Variants in MACF1 observed in about 807,000 individuals in gnomAD.
The protein encoded by MACF1 is microtubule-actin cross-linking factor 1.
A neutral mutation model predicts 854.8 loss-of-function variants in MACF1; 193 were observed. That is an observed-to-expected ratio of 0.23 (90% confidence interval 0.20 to 0.25). The LOEUF (loss-of-function observed/expected upper bound fraction) is 0.25, where lower values mean the gene tolerates loss of function less well. Ranked by LOEUF, MACF1 falls within the 10% of genes least tolerant of loss-of-function variation. The probability of loss-of-function intolerance (pLI) is 1.00; values close to 1 mark genes in which losing one functional copy is unlikely to be tolerated. For synonymous variants in MACF1, 3,185 were observed against 3,226.7 expected, an observed-to-expected ratio of 0.99 and a Z score of 0.44; for missense variants, 7,722 against 8,929.1, an observed-to-expected ratio of 0.86 and a Z score of 5.45.
At chr1:39,161,928 G>A (rs1413651323) in intron 2 of MACF1, among the ~76,000 whole-genome samples, 1 of 150,974 alleles carries the variant, frequency 6.6e-6, no homozygotes, top group African/African-American at 2.4e-5. Context: ...ATGATGGTGT[G>A]CGCCTATAGT....
rs1643929136 is a variant in MACF1 at position 39,434,413 on chromosome 1, G to A, written c.17566-1G>A. On this transcript the variant is annotated splice_acceptor_variant, in intron 68 of 100. Coordinates refer to ENST00000564288, the MANE Select transcript of MACF1 (RefSeq NM_001394062.1). LOFTEE classifies it high-confidence loss of function. ...TTTTTTTTTTTTTTTTGCTCACATA[G>A]GAAAAGACAGAGTCTCTAATACAGC... is the stretch of plus-strand genomic sequence containing the variant. 4 of 1,358,150 alleles carry A rather than the reference G, an allele frequency of 2.9e-6. No individual in the cohort carries two copies. The highest frequency in any genetic ancestry group is 4.3e-5 in the Admixed American group (2 of 46,814). 84.1% of individuals were successfully genotyped at this position (1,358,150 alleles called of 1,614,324 possible).
At chr1:39,218,260 G>A (rs896243027) in intron 1 of MACF1, among the ~76,000 whole-genome samples, 5 of 149,978 alleles carry the variant, frequency 3.3e-5, no homozygotes, top group Non-Finnish European at 1.5e-5. Flanking sequence ...AGGAACTATT[G>A]GCCTAACTCC....
At chr1:39,395,412 G>A (rs943780501) in intron 58 of MACF1, among the ~76,000 whole-genome samples, 6 of 152,194 alleles carry the variant, frequency 3.9e-5, no homozygotes, top group Admixed American at 1.3e-4. Flanking sequence ...CCACTTCTAA[G>A]TCAGCTTTCC....
chr1:39,234,122 A>G (rs939732571), intron 2 of MACF1, among the ~76,000 whole-genome samples: 1 of 149,900 alleles, frequency 6.7e-6, no homozygotes, highest in East Asian at 2.0e-4. Context: ...TCACAGATCA[A>G]CAGGATCCCA....
intron 1 of MACF1, among the ~76,000 whole-genome samples, chr1:39,210,071 C>T (rs574114692): frequency 8.0e-5 from 12 of 149,290 alleles, no homozygotes; most frequent in African/African-American, 3.0e-4. Flanking sequence ...GCCTGGGCAA[C>T]AGAGTGAGAC....
At position 39,411,332 on chromosome 1, in the gene MACF1, G is replaced by T. The variant is rs758075244; in HGVS notation, c.15817-11042G>T. On this transcript the variant is annotated intron_variant, in intron 58 of 100. Coordinates refer to ENST00000564288, the MANE Select transcript of MACF1 (RefSeq NM_001394062.1). ...TTTCTGATGGCAGATGAGAAGAACA[G>T]CCTGGCAGATATTTTTGAAGAAAGA... 3 of 1,613,912 alleles carry T rather than the reference G, an allele frequency of 1.9e-6. No homozygotes were observed. The African/African-American group carries it at 4.0e-5, about 22-fold the overall frequency.
rs548273621 is a variant in MACF1 at position 39,235,232 on chromosome 1, A to C, written c.171+3989A>C. 2.0e-5 allele frequency among the ~76,000 whole-genome samples: 3 copies of C among 152,382 alleles called. No individual in the cohort carries two copies. The East Asian group carries it at 5.8e-4, about 29-fold the overall frequency. On this transcript the variant is annotated intron_variant, in intron 2 of 100. Coordinates refer to ENST00000564288, the MANE Select transcript of MACF1 (RefSeq NM_001394062.1). Reference sequence around the variant, plus strand: ...CTGGGCACCATTGAGCACTGAGTGAACGAGACTCCGTCTGCAATCCCGGCA... The same window carrying C: ...CTGGGCACCATTGAGCACTGAGTGACCGAGACTCCGTCTGCAATCCCGGCA...
intron 58 of MACF1, among the ~76,000 whole-genome samples, chr1:39,421,733 C>A (rs1196640621): frequency 6.6e-6 from 1 of 152,180 alleles, no homozygotes; most frequent in Non-Finnish European, 1.5e-5. Flanking sequence ...ACTTGTACAG[C>A]ATTTCGAGGT....
intron 36 of MACF1, among the ~76,000 whole-genome samples, chr1:39,327,993 G>A (rs1455840205): frequency 6.6e-6 from 1 of 152,182 alleles, no homozygotes; most frequent in Non-Finnish European, 1.5e-5. Flanking sequence ...ATGTGTCTCT[G>A]GGATATATAT....
intron 2 of MACF1, among the ~76,000 whole-genome samples, chr1:39,188,229 G>A (rs1644203524): frequency 1.3e-5 from 2 of 151,938 alleles, no homozygotes; most frequent in South Asian, 4.2e-4. Flanking sequence ...CTTGAGCCCA[G>A]GAGTTCAAGA....
chr1:39,349,778 T>C (rs1446203503), intron 42 of MACF1, 151 bp downstream of exon 42: 2 of 774,342 alleles, frequency 2.6e-6, no homozygotes, highest in Non-Finnish European at 3.9e-6. Context: ...GACAAAGTCA[T>C]GAGCCACCAT....
At chr1:39,399,344 A>G (rs1642387664) in intron 58 of MACF1, among the ~76,000 whole-genome samples, 1 of 147,932 alleles carries the variant, frequency 6.8e-6, no homozygotes, top group Admixed American at 6.7e-5. Context: ...TTCTGAAGTC[A>G]TAGCTCAAGT....
chr1:39,259,830 C>G (rs1010903311), intron 6 of MACF1, among the ~76,000 whole-genome samples: 9 of 151,972 alleles, frequency 5.9e-5, no homozygotes, highest in Admixed American at 2.6e-4. Flanking sequence ...GTTGGTCAGG[C>G]TGGTCTCAAA....
At chr1:39,253,845 C>T (rs952120440) in intron 4 of MACF1, among the ~76,000 whole-genome samples, 2 of 152,118 alleles carry the variant, frequency 1.3e-5, no homozygotes, top group African/African-American at 4.8e-5. Flanking sequence ...CTCCTTTTGC[C>T]ATGTTTGTAA....
At chr1:39,453,961 A>C in intron 88 of MACF1, 111 bp downstream of exon 88, 8 of 1,299,120 alleles carry the variant, frequency 6.2e-6, no homozygotes, top group Non-Finnish European at 8.5e-6. Context: ...TGAATAACTC[A>C]GCAAAAATTA....
chr1:39,194,676 C>G (rs1015426341), intron 2 of MACF1, among the ~76,000 whole-genome samples: 3 of 139,790 alleles, frequency 2.1e-5, no homozygotes, highest in African/African-American at 8.1e-5. Context: ...GCCTTCCTCT[C>G]CCCTCCCCTC....
At chr1:39,104,197 C>T (rs1642162347) in intron 2 of MACF1, among the ~76,000 whole-genome samples, 1 of 152,176 alleles carries the variant, frequency 6.6e-6, no homozygotes, top group Admixed American at 6.5e-5. Flanking sequence ...GGGAGGATAA[C>T]TGCTAAATGG....
Position 39,334,460 on chromosome 1 carries a change from C to T in MACF1, c.7872C>T (p.Cys2624=). 6.2e-7 allele frequency: 1 copy of T among 1,614,068 alleles called. No individual in the cohort carries two copies. The highest frequency in any genetic ancestry group is 8.5e-7 in the Non-Finnish European group (1 of 1,179,974). Reference sequence around the variant, plus strand: ...ATGGCATTGTAGATCCCGAGAACTGCAGAATTGTCCCCTACTCAGAATTAG... The same window carrying T: ...ATGGCATTGTAGATCCCGAGAACTGTAGAATTGTCCCCTACTCAGAATTAG... The part of the protein sequence containing the change: ...MMHGIVDPEN[C]RIVPYSELVK... Residue 2624 remains cysteine (C), a synonymous_variant, in exon 37 of 101, where the codon TGC becomes TGT. Coordinates refer to ENST00000564288, the MANE Select transcript of MACF1 (RefSeq NM_001394062.1).
Position 39,283,592 on chromosome 1 carries a change from A to G in MACF1, c.915+77A>G. On this transcript the variant is annotated intron_variant, in intron 9 of 100. Coordinates refer to ENST00000564288, the MANE Select transcript of MACF1 (RefSeq NM_001394062.1). This position sits in a 1 kb window ranked among gnomAD's most constrained non-coding sequence, Gnocchi z 4.5. ...AATGCATTGGTTAGACACTTTCTTA[A>G]GCACTTATGGTATACTCATGGTATC... 9.9e-7 allele frequency: 1 copy of G among 1,009,410 alleles called. No homozygotes were observed. Among genetic ancestry groups the G allele is most frequent in the East Asian group, 2.4e-5 (1 of 41,598 alleles). The allele number at this position is 1,009,410 out of a possible 1,614,324, so 62.5% of individuals were successfully genotyped here.
Sources: allele counts gnomAD v4.1 joint callset (sites outside exome capture counted in the v4.1 genomes callset), GRCh38; gene constraint gnomAD v4.1.1; non-coding constraint Gnocchi (gnomAD v3.1); transcripts MANE v1.5; gene names NCBI Gene and HGNC (gene_info 2026-07-23, HGNC 2026-07-21).